The following SVEP1 variants were observed in gnomAD, a reference collection of about 807,000 sequenced individuals.
SVEP1 encodes the protein sushi, von Willebrand factor type A, EGF and pentraxin domain-containing protein 1.
Under a neutral mutation model 367.3 loss-of-function variants are expected in SVEP1, and 164 were observed. The ratio of observed to expected loss-of-function variants is 0.45; its 90% CI spans 0.39 to 0.51. SVEP1 has a LOEUF of 0.51. Among genes scored for constraint, SVEP1 ranks in the 20% least tolerant of loss-of-function variants. The pLI, the probability that SVEP1 is intolerant of heterozygous loss-of-function variation, is 0.00. For missense variants in SVEP1, 4,117 were observed against 4,425.3 expected, an observed-to-expected ratio of 0.93 and a Z score of 1.98; for synonymous variants, 1,666 against 1,611.6, an observed-to-expected ratio of 1.03 and a Z score of -0.81.
chr9:110,404,244 TGGG>T, intron 39 of SVEP1, 80 bp downstream of exon 39: 18 of 1,321,940 alleles, frequency 1.4e-5, no homozygotes, highest in Middle Eastern at 2.7e-4. Context: ...TTTTTCTTTT[TGGG>T]ATTACTATTA....
At chr9:110,568,215 G>T (rs1373577645) in intron 1 of SVEP1, among the ~76,000 whole-genome samples, 3 of 152,192 alleles carry the variant, frequency 2.0e-5, no homozygotes. Context: ...GGAAACATCA[G>T]ATGTGTCTCC....
rs200517340 is a variant in SVEP1 at position 110,435,234 on chromosome 9, T to C, written c.4888+7A>G. The C allele has an allele frequency of 1.6e-5, 26 of 1,611,990 alleles. 1 individual carries two copies. In the Middle Eastern group the frequency reaches 5.0e-4, roughly 31 times the overall value. On this transcript the variant is annotated splice_region_variant and intron_variant, in intron 29 of 47. Transcript: ENST00000374469. ...TAGTGGAGTCTATGAAAGAAGGAAA[T>C]TCTCACCAGAACAAAATATGCTCTT... is the stretch of plus-strand genomic sequence containing the variant.
chr9:110,543,378 A>G (rs190788704), intron 3 of SVEP1, among the ~76,000 whole-genome samples: 23 of 152,330 alleles, frequency 1.5e-4, no homozygotes, highest in Non-Finnish European at 2.2e-4. Flanking sequence ...TGGATAAACT[A>G]ATCCTTATGT....
intron 5 of SVEP1, among the ~76,000 whole-genome samples, chr9:110,508,760 CAAAAAAAAAAAA>C (rs11316319): frequency 2.6e-5 from 2 of 76,478 alleles, no homozygotes; most frequent in East Asian, 4.0e-4. Context: ...GACTCCATCT[CAAAAAAAAAAAA>C]AAAAAAAAAA....
intron 13 of SVEP1, 73 bp downstream of exon 13, chr9:110,479,562 A>G: frequency 1.4e-6 from 2 of 1,469,784 alleles, no homozygotes; most frequent in South Asian, 1.5e-5. Context: ...GAGAAATCGC[A>G]GTTGTAAATG....
intron 8 of SVEP1, among the ~76,000 whole-genome samples, chr9:110,496,063 A>G (rs1829441573): frequency 6.6e-6 from 1 of 152,204 alleles, no homozygotes; most frequent in Non-Finnish European, 1.5e-5. Flanking sequence ...TAGAATGAAA[A>G]GTTTCTGGTT....
intron 11 of SVEP1, 79 bp downstream of exon 11, chr9:110,482,282 T>C: frequency 7.0e-7 from 1 of 1,432,614 alleles, no homozygotes; most frequent in Non-Finnish European, 9.2e-7. Context: ...TAGCCTATTT[T>C]CTTTCATAAA....
At chr9:110,404,595 A>G (rs1168959118) in intron 38 of SVEP1, 43 bp from the exon 39 acceptor site, 3 of 1,559,782 alleles carry the variant, frequency 1.9e-6, no homozygotes, top group African/African-American at 2.7e-5. Flanking sequence ...ATGAAGTACA[A>G]TATAGTTTCT....
chr9:110,530,773 G>C (rs1830008677), intron 3 of SVEP1, among the ~76,000 whole-genome samples: 1 of 152,096 alleles, frequency 6.6e-6, no homozygotes, highest in South Asian at 2.1e-4. Context: ...CTAGGCTCAA[G>C]CAATTCTCAC....
chr9:110,488,108 C>T (rs1829311879), intron 9 of SVEP1, among the ~76,000 whole-genome samples: 1 of 152,192 alleles, frequency 6.6e-6, no homozygotes. Flanking sequence ...AAACCAACAG[C>T]ACCTGATACC....
At chr9:110,527,595 AT>A (rs530431751) in intron 3 of SVEP1, among the ~76,000 whole-genome samples, 24 of 151,944 alleles carry the variant, frequency 1.6e-4, no homozygotes, top group African/African-American at 5.5e-4. Flanking sequence ...GCTCAGAAAT[AT>A]TTTCATTTTA....
chr9:110,388,638 G>C (rs1437638817), intron 41 of SVEP1, among the ~76,000 whole-genome samples: 1 of 152,090 alleles, frequency 6.6e-6, no homozygotes, highest in Non-Finnish European at 1.5e-5. Context: ...TCTTAACCTT[G>C]GCTGCACTTT....
chr9:110,392,990 A>T (rs900234962), intron 40 of SVEP1, among the ~76,000 whole-genome samples: 2 of 152,198 alleles, frequency 1.3e-5, no homozygotes, highest in African/African-American at 4.8e-5. Context: ...CAAGTAACTG[A>T]ACATCAATAT....
chr9:110,450,211 T>G lies in SVEP1; in HGVS notation c.3951A>C (p.Leu1317Phe). The G allele has an allele frequency of 6.2e-7, 1 of 1,613,884 alleles. No homozygotes were observed. Among genetic ancestry groups the G allele is most frequent in the Non-Finnish European group, 8.5e-7 (1 of 1,179,832 alleles). ...EVNECQSNPC[L>F]NNAVCEDQVG... Reference sequence around the variant, plus strand: ...CCTGGTCTTCACAGACTGCATTATTTAAGCATGGGTTTGACTGGCATTCAT... The same window carrying G: ...CCTGGTCTTCACAGACTGCATTATTGAAGCATGGGTTTGACTGGCATTCAT... Residue 1317 changes from leucine to phenylalanine, a missense_variant, in exon 24 of 48, where the codon TTA (leucine) becomes TTC (phenylalanine). Physicochemically the swap from Leu to Phe is conservative, Grantham distance 22. This residue lies in a region of SVEP1 where 2,174 missense variants were observed against 2,494.3 expected (regional missense o/e 0.87). Coordinates refer to ENST00000374469, the MANE Select transcript of SVEP1 (RefSeq NM_153366.4).
At chr9:110,373,887 C>T (rs1327534) in intron 46 of SVEP1, among the ~76,000 whole-genome samples, 6 of 152,032 alleles carry the variant, frequency 3.9e-5, no homozygotes, top group African/African-American at 1.4e-4. Flanking sequence ...GAGGTGCTAA[C>T]AGGATGTTTT....
At chr9:110,565,006 A>G (rs757189084) in intron 1 of SVEP1, among the ~76,000 whole-genome samples, 1 of 152,160 alleles carries the variant, frequency 6.6e-6, no homozygotes, top group Non-Finnish European at 1.5e-5. Flanking sequence ...AATCTAGTTT[A>G]TTACCTACCA....
chr9:110,394,045 A>G (rs969147789), intron 40 of SVEP1, among the ~76,000 whole-genome samples: 4 of 152,220 alleles, frequency 2.6e-5, no homozygotes, highest in African/African-American at 7.2e-5. Flanking sequence ...ATCTGACAAC[A>G]GGCAGACTGC....
chr9:110,434,234 G>T, intron 30 of SVEP1, 102 bp downstream of exon 30: 1 of 1,251,324 alleles, frequency 8.0e-7, no homozygotes, highest in Non-Finnish European at 1.1e-6. Context: ...TGGTATATTT[G>T]CTACTGTGAA....
Position 110,431,994 on chromosome 9 carries a change from A to T in SVEP1, c.5274T>A (p.His1758Gln). ...ECAVGSDCSE[H>Q]ASCLNVDGSY... ...ATCCATCTACGTTCAGGCAAGAAGC[A>T]TGCTCACTACAATCTGATCCAACTG... The change falls in exon 32 of 48, where the codon CAT becomes CAA. Residue 1758 changes from histidine to glutamine, a missense_variant. Transcript: ENST00000374469. The T allele has an allele frequency of 6.2e-7, 1 of 1,613,494 alleles. No homozygotes were observed. The highest frequency in any genetic ancestry group is 8.5e-7 in the Non-Finnish European group (1 of 1,179,648).
Sources: allele counts gnomAD v4.1 joint callset (sites outside exome capture counted in the v4.1 genomes callset), GRCh38; gene constraint gnomAD v4.1.1; regional missense constraint gnomAD v4.1.1; transcripts MANE v1.5; gene names NCBI Gene and HGNC (gene_info 2026-07-23, HGNC 2026-07-21).